Variants in CCDC60 observed in about 807,000 individuals in gnomAD.
CCDC60 encodes coiled-coil domain-containing protein 60.
CCDC60 carries 54 observed loss-of-function variants against 63.5 expected under a neutral mutation model. The observed-to-expected ratio is 0.85, with a 90% CI of 0.68 to 1.07. The LOEUF (loss-of-function observed/expected upper bound fraction) is 1.07. Among genes scored for constraint, CCDC60 ranks in the 50% least tolerant of loss-of-function variants. CCDC60 has a pLI of 0.00. For missense variants in CCDC60, 651 were observed against 684.3 expected (o/e 0.95, Z 0.54); for synonymous variants, 206 against 238.8 (o/e 0.86, Z 1.27).
intron 1 of CCDC60, among the ~76,000 whole-genome samples, chr12:119,346,822 TTCTTTCTTTC>T (rs1450971644): frequency 9.0e-5 from 12 of 132,806 alleles, no homozygotes; most frequent in Non-Finnish European, 1.0e-4. Context: ...CTTTCTTTCT[TTCTTTCTTTC>T]TTTTTTTTTT....
chr12:119,442,464 A>G (rs1950466616), intron 2 of CCDC60, among the ~76,000 whole-genome samples: 1 of 152,200 alleles, frequency 6.6e-6, no homozygotes, highest in Non-Finnish European at 1.5e-5. Context: ...AAAGAATAAT[A>G]TAACAAACTC....
chr12:119,475,361 T>C (rs1951154185), intron 3 of CCDC60, among the ~76,000 whole-genome samples: 1 of 152,228 alleles, frequency 6.6e-6, no homozygotes, highest in Non-Finnish European at 1.5e-5. Context: ...TTCTCATCCA[T>C]GGTCGTAGAA....
In CCDC60 at chr12:119,488,855, C is replaced by G. The variant is rs767149748; in HGVS notation, c.546C>G (p.Cys182Trp). Residue 182 changes from cysteine to tryptophan, a missense_variant, in exon 5 of 14, where the codon TGC (cysteine) becomes TGG (tryptophan). Physicochemically the swap from Cys to Trp is radical, Grantham distance 215. Coordinates refer to ENST00000327554, the MANE Select transcript of CCDC60 (RefSeq NM_178499.5). Reference protein sequence around the residue: ...THHTMKPVITCWNPKDPGGSK... With the variant: ...THHTMKPVITWWNPKDPGGSK... ...ACACCATGAAGCCTGTGATCACCTG[C>G]TGGAACCCAAAGTATGCCTCAGCCC... The G allele has an allele frequency of 6.2e-7, 1 of 1,613,946 alleles. No individual in the cohort carries two copies. Among genetic ancestry groups the G allele is most frequent in the South Asian group, 1.1e-5 (1 of 91,076 alleles).
At chr12:119,486,953 A>G (rs887904585) in intron 4 of CCDC60, among the ~76,000 whole-genome samples, 1 of 152,180 alleles carries the variant, frequency 6.6e-6, no homozygotes, top group African/African-American at 2.4e-5. Flanking sequence ...GCAATTACAC[A>G]GGTTCTTAAT....
At chr12:119,502,880 T>C (rs1339091587) in intron 6 of CCDC60, among the ~76,000 whole-genome samples, 1 of 152,144 alleles carries the variant, frequency 6.6e-6, no homozygotes, top group African/African-American at 2.4e-5. Context: ...AAAAATTACA[T>C]TGATTTTACT....
chr12:119,369,407 T>C (rs1000748391), intron 1 of CCDC60, among the ~76,000 whole-genome samples: 14 of 152,092 alleles, frequency 9.2e-5, no homozygotes, highest in African/African-American at 3.4e-4. Flanking sequence ...TTTATTGGGT[T>C]AGAAAAAACA....
intron 7 of CCDC60, among the ~76,000 whole-genome samples, chr12:119,514,207 G>A (rs985217923): frequency 2.0e-5 from 3 of 150,626 alleles, no homozygotes; most frequent in East Asian, 1.9e-4. Context: ...ACAAAGTTTC[G>A]CTCATGTTGC....
intron 11 of CCDC60, among the ~76,000 whole-genome samples, chr12:119,526,903 A>G (rs1357111173): frequency 6.6e-6 from 1 of 152,234 alleles, no homozygotes; most frequent in Non-Finnish European, 1.5e-5. Context: ...CAGCAATCCC[A>G]TTACTGGGTA....
intron 2 of CCDC60, among the ~76,000 whole-genome samples, chr12:119,458,465 AGTTTTT>A (rs1321257649): frequency 6.6e-6 from 1 of 152,112 alleles, no homozygotes; most frequent in Non-Finnish European, 1.5e-5. Flanking sequence ...CTGGGCTCTT[AGTTTTT>A]AACACAGTGA....
intron 1 of CCDC60, among the ~76,000 whole-genome samples, chr12:119,394,720 T>C (rs781231544): frequency 6.6e-6 from 1 of 152,228 alleles, no homozygotes; most frequent in African/African-American, 2.4e-5. Flanking sequence ...AGCTGTTGCA[T>C]CTCCTGTTAA....
chr12:119,507,594 A>T lies in CCDC60; in HGVS notation c.883+2291A>T, dbSNP rs1199790744. Among the ~76,000 whole-genome samples, 16 of 15,432 alleles carry T rather than the reference A, an allele frequency of 1.0e-3. 2 individuals are homozygous for T. Among genetic ancestry groups the T allele is most frequent in the African/African-American group, 6.7e-3 (12 of 1,804 alleles). The allele number at this position is 15,432 out of a possible 152,430, so 10.1% of individuals were successfully genotyped here. On this transcript the variant is annotated intron_variant, in intron 7 of 13. Coordinates refer to ENST00000327554, the MANE Select transcript of CCDC60 (RefSeq NM_178499.5). ...TGTATATATACACATATATATACAT[A>T]TATATATATATATATATATATTTTT...
intron 1 of CCDC60, among the ~76,000 whole-genome samples, chr12:119,426,650 C>A (rs773815867): frequency 6.6e-6 from 1 of 152,172 alleles, no homozygotes; most frequent in African/African-American, 2.4e-5. Flanking sequence ...TGAGCCACTG[C>A]GCCTGGCCCC....
intron 1 of CCDC60, among the ~76,000 whole-genome samples, chr12:119,337,981 T>A (rs1390752266): frequency 6.6e-6 from 1 of 152,028 alleles, no homozygotes; most frequent in Non-Finnish European, 1.5e-5. Context: ...GATGAAATGA[T>A]CATCTCTTTC....
chr12:119,481,986 G>A (rs1488939216), intron 4 of CCDC60, among the ~76,000 whole-genome samples: 1 of 127,360 alleles, frequency 7.9e-6, no homozygotes, highest in Admixed American at 9.0e-5. Context: ...GTATATATAT[G>A]TATATATATA....
At chr12:119,510,154 T>C (rs148030427) in intron 7 of CCDC60, among the ~76,000 whole-genome samples, 4 of 152,312 alleles carry the variant, frequency 2.6e-5, no homozygotes, top group South Asian at 4.1e-4. Context: ...CAGAAGGGAC[T>C]TTCTAAATGA....
intron 1 of CCDC60, among the ~76,000 whole-genome samples, chr12:119,404,159 A>C (rs918742611): frequency 6.6e-6 from 1 of 152,162 alleles, no homozygotes. Flanking sequence ...GCATGGTTGC[A>C]TATGCCTGTA....
intron 1 of CCDC60, among the ~76,000 whole-genome samples, chr12:119,412,932 C>T (rs75062019): frequency 6.7e-4 from 102 of 152,252 alleles, no homozygotes; most frequent in African/African-American, 2.3e-3. Context: ...TTGAAGCTAG[C>T]GCTCAGATTG....
chr12:119,366,817 G>A (rs1198472484), intron 1 of CCDC60, among the ~76,000 whole-genome samples: 3 of 152,098 alleles, frequency 2.0e-5, no homozygotes, highest in African/African-American at 7.2e-5. Context: ...AGAACAGAAG[G>A]AACAGAAAAC....
At position 119,410,182 on chromosome 12, in the gene CCDC60, AGTGTGTGTGTGTGTGTGTCT is replaced by A. The variant is rs1565993673; in HGVS notation, c.91-18482_91-18463del. Among the ~76,000 whole-genome samples the A allele has an allele frequency of 6.7e-6, 1 of 149,464 alleles. No homozygotes were observed. Among genetic ancestry groups the A allele is most frequent in the African/African-American group, 2.5e-5 (1 of 40,680 alleles). On this transcript the variant is annotated intron_variant, in intron 1 of 13. Coordinates refer to ENST00000327554, the MANE Select transcript of CCDC60 (RefSeq NM_178499.5). This position sits in a 1 kb window ranked among gnomAD's most constrained non-coding sequence, Gnocchi z 4.0. ...AAAGGTAGATGCTAGTGTTGGAAAG[AGTGTGTGTGTGTGTGTGTCT>A]GTGTGTGTGTGTGTGTGTGGTTTCC...
Sources: gnomAD v4.1 joint callset for allele counts (sites outside exome capture counted in the v4.1 genomes callset) on GRCh38, gnomAD v4.1.1 for gene constraint, Gnocchi (gnomAD v3.1) non-coding constraint, MANE v1.5 for transcripts, NCBI Gene and HGNC (gene_info 2026-07-23, HGNC 2026-07-21) for gene names.